Variants in GAR1 observed in about 807,000 individuals in gnomAD.
The protein encoded by GAR1 is GAR1 ribonucleoprotein.
GAR1 carries 11 observed loss-of-function variants against 29.3 expected under a neutral mutation model. The observed-to-expected ratio is 0.38, with a 90% CI of 0.24 to 0.62. GAR1 has a LOEUF of 0.62. Among genes scored for constraint, GAR1 ranks in the 20% least tolerant of loss-of-function variants. The probability of loss-of-function intolerance (pLI) is 0.62; values close to 1 mark genes in which losing one functional copy is unlikely to be tolerated. For missense variants in GAR1, 237 were observed against 268.4 expected (o/e 0.88, Z 0.82); for synonymous variants, 87 against 93.3 (o/e 0.93, Z 0.39).
chr4:109,818,567 CT>C (rs34081446), intron 3 of GAR1, among the ~76,000 whole-genome samples: 3,755 of 123,656 alleles, frequency 0.03, 93 homozygotes, highest in African/African-American at 0.091. Flanking sequence ...TTCTTTTTTC[CT>C]TTTTTTTTTT....
intron 3 of GAR1, among the ~76,000 whole-genome samples, chr4:109,818,722 GC>G (rs547325157): frequency 1.9e-3 from 285 of 151,960 alleles, no homozygotes; most frequent in Non-Finnish European, 3.4e-3. Flanking sequence ...GCGCCACCAT[GC>G]CCGGCTGATT....
At chr4:109,824,270 G>C in intron 6 of GAR1, 148 bp from the exon 7 acceptor site, 1 of 629,902 alleles carries the variant, frequency 1.6e-6, no homozygotes, top group South Asian at 2.2e-5. Context: ...AAAAATAAAG[G>C]TGTAATATGA....
chr4:109,818,873 T>A (rs1296480909), intron 3 of GAR1, 128 bp from the exon 4 acceptor site: 1 of 575,406 alleles, frequency 1.7e-6, no homozygotes, highest in African/African-American at 1.9e-5. Context: ...CCCCTGGAAA[T>A]TCATTTCTTA....
intron 4 of GAR1, among the ~76,000 whole-genome samples, chr4:109,820,919 A>G (rs1004631789): frequency 6.6e-6 from 1 of 152,216 alleles, no homozygotes; most frequent in Non-Finnish European, 1.5e-5. Context: ...ACCTGAAAAA[A>G]AAATGCTGGT....
At chr4:109,821,802 A>G (rs1733519418) in intron 4 of GAR1, among the ~76,000 whole-genome samples, 1 of 152,164 alleles carries the variant, frequency 6.6e-6, no homozygotes, top group South Asian at 2.1e-4. Flanking sequence ...CCTTATATAC[A>G]TCACTTTTTT....
At position 109,817,973 on chromosome 4, in the gene GAR1, A is replaced by G; in HGVS notation, c.252A>G (p.Ile84Met). ...TCCTGCATCCCTGTGAAGATGACAT[A>G]GTTTGTAAATGTACCACAGATGAAA... ...GEFLHPCEDD[I>M]VCKCTTDENK... The change falls in exon 3 of 7, where the codon ATA (isoleucine) becomes ATG (methionine). Residue 84 changes from isoleucine to methionine, a missense_variant. Ile to Met is a conservative substitution (Grantham distance 10, BLOSUM62 1). Coordinates refer to ENST00000226796, the MANE Select transcript of GAR1 (RefSeq NM_018983.4). 1 of 1,609,398 alleles carries G rather than the reference A, an allele frequency of 6.2e-7. No homozygotes were observed. Among genetic ancestry groups the G allele is most frequent in the Admixed American group, 1.7e-5 (1 of 59,448 alleles).
intron 4 of GAR1, chr4:109,819,413 A>T (rs1361800765): frequency 3.9e-6 from 1 of 256,684 alleles, no homozygotes; most frequent in Non-Finnish European, 7.4e-6. Flanking sequence ...GGCGGTAGGT[A>T]CTAAGTGATT....
chr4:109,824,297 G>A (rs1446606740), intron 6 of GAR1, 121 bp from the exon 7 acceptor site: 4 of 688,500 alleles, frequency 5.8e-6, no homozygotes, highest in South Asian at 4.0e-5. Context: ...GTTAAATTTG[G>A]TAAAGTATGT....
At chr4:109,819,547 GA>G (rs1244466160) in intron 4 of GAR1, 6 of 157,146 alleles carry the variant, frequency 3.8e-5, no homozygotes, top group Admixed American at 1.3e-4. Flanking sequence ...GCTTGAAGCT[GA>G]GGCCTGATTG....
intron 4 of GAR1, among the ~76,000 whole-genome samples, 192 bp from the exon 5 acceptor site, chr4:109,822,155 T>TAAAAAAAAAAAAAAA (rs59097048): frequency 9.8e-6 from 1 of 101,640 alleles, no homozygotes; most frequent in African/African-American, 3.7e-5. Context: ...GAACTTAAGG[T>TAAAAAAAAAAAAAAA]AAAAAAAAAA....
Position 109,822,480 on chromosome 4 carries a change from G to T in GAR1, c.563G>T (p.Gly188Val). The T allele has an allele frequency of 6.2e-7, 1 of 1,600,156 alleles. No individual in the cohort carries two copies. Among genetic ancestry groups the T allele is most frequent in the South Asian group, 1.1e-5 (1 of 89,222 alleles). Residue 188 changes from glycine (G) to valine (V), a missense_variant, in exon 5 of 7, where the codon GGC becomes GTC. Coordinates refer to ENST00000226796, the MANE Select transcript of GAR1 (RefSeq NM_018983.4). ...GGRGGGGRGGGRGGGFRGGRG... is the reference protein window; with the variant it reads ...GGRGGGGRGGVRGGGFRGGRG... Reference sequence around the variant, plus strand: ...AGAGGAGGAGGTGGCAGAGGTGGTGGCAGAGGCGGTAAGTTACTTGGGGAA... The same window carrying T: ...AGAGGAGGAGGTGGCAGAGGTGGTGTCAGAGGCGGTAAGTTACTTGGGGAA...
At chr4:109,817,525 C>T (rs1733385977) in intron 2 of GAR1, among the ~76,000 whole-genome samples, 1 of 151,628 alleles carries the variant, frequency 6.6e-6, no homozygotes, top group South Asian at 2.1e-4. Context: ...AAGGGAGAAC[C>T]AAGAGAATGA....
At chr4:109,815,678 T>C (rs2125887904), upstream of GAR1, 1 of 163,498 alleles carries the variant, frequency 6.1e-6, no homozygotes, top group South Asian at 1.5e-4. Context: ...GGCAAACCAG[T>C]TATTCAAGTT....
At position 109,824,075 on chromosome 4, in the gene GAR1, A is replaced by G. The variant is rs765614313; in HGVS notation, c.640+42A>G. The G allele has an allele frequency of 6.7e-5, 85 of 1,274,806 alleles. 1 individual carries two copies. In the Middle Eastern group the frequency reaches 6.0e-3, roughly 90 times the overall value. 79.0% of individuals were successfully genotyped at this position (1,274,806 alleles called of 1,614,324 possible). On this transcript the variant is annotated intron_variant, in intron 6 of 6. Coordinates refer to ENST00000226796, the MANE Select transcript of GAR1 (RefSeq NM_018983.4). ...GTCTTTAAATTGCTTAATGTTTAAA[A>G]TTGATATTATCTGGCATTTTCTGTT...
At chr4:109,824,182 T>G in intron 6 of GAR1, 149 bp downstream of exon 6, 1 of 634,620 alleles carries the variant, frequency 1.6e-6, no homozygotes, top group South Asian at 2.3e-5. Context: ...GTGGTTTCAT[T>G]TTATATCACT....
chr4:109,820,264 G>T (rs1021100622), intron 4 of GAR1, among the ~76,000 whole-genome samples: 3 of 152,176 alleles, frequency 2.0e-5, no homozygotes, highest in Non-Finnish European at 2.9e-5. Flanking sequence ...TCAGATGTCT[G>T]ACATCAACAT....
Position 109,824,430 on chromosome 4 carries a change from A to G in GAR1, c.653A>G (p.Ter218=). ...RGGGFRGRGH[*] Reference sequence around the variant, plus strand: ...TTCTCTTAATCAGGGAGAGGACATTAAGTGAAACAGTTGACAGACATCACC... The same window carrying G: ...TTCTCTTAATCAGGGAGAGGACATTGAGTGAAACAGTTGACAGACATCACC... The change falls in exon 7 of 7, where the codon TAA becomes TGA. Residue 218 remains the stop codon, a stop_retained_variant. Transcript: ENST00000226796. The G allele has an allele frequency of 6.3e-7, 1 of 1,591,712 alleles. No individual in the cohort carries two copies. Among genetic ancestry groups the G allele is most frequent in the Non-Finnish European group, 8.6e-7 (1 of 1,160,092 alleles).
At chr4:109,824,383 C>G (rs751996619) in intron 6 of GAR1, 35 bp from the exon 7 acceptor site, 1 of 1,473,066 alleles carries the variant, frequency 6.8e-7, no homozygotes, top group African/African-American at 1.4e-5. Flanking sequence ...AATCCATTTT[C>G]TGTGCCCTTA....
At chr4:109,817,849 G>T in intron 2 of GAR1, 87 bp from the exon 3 acceptor site, 1 of 1,095,504 alleles carries the variant, frequency 9.1e-7, no homozygotes. Flanking sequence ...TGAAGTCCCA[G>T]GTAGCCAAAA....
Sources: allele counts gnomAD v4.1 joint callset (sites outside exome capture counted in the v4.1 genomes callset), GRCh38; gene constraint gnomAD v4.1.1; transcripts MANE v1.5; gene names NCBI Gene and HGNC (gene_info 2026-07-23, HGNC 2026-07-21).